MALRD1: variants seen among roughly 807,000 people sequenced by gnomAD.
MALRD1 encodes MAM and LDL-receptor class A domain-containing protein 1.
Under a neutral mutation model 242.1 loss-of-function variants are expected in MALRD1, and 247 were observed. The ratio of observed to expected loss-of-function variants is 1.02; its 90% CI spans 0.92 to 1.13. The LOEUF (loss-of-function observed/expected upper bound fraction) is 1.13. Ranked by LOEUF, MALRD1 falls within the 50% of genes most tolerant of loss-of-function variation. The pLI is 0.00. For missense variants in MALRD1, 2,989 were observed against 2,533.1 expected, an observed-to-expected ratio of 1.18 and a Z score of -3.86; for synonymous variants, 995 against 866.6, an observed-to-expected ratio of 1.15 and a Z score of -2.60.
intron 33 of MALRD1, among the ~76,000 whole-genome samples, chr10:19,592,741 A>G (rs2131551036): frequency 8.7e-6 from 1 of 114,860 alleles, no homozygotes; most frequent in East Asian, 2.4e-4. Flanking sequence ...ACACACACAC[A>G]CACACACACA....
chr10:19,189,938 C>T (rs1835900876), intron 14 of MALRD1, among the ~76,000 whole-genome samples: 1 of 151,994 alleles, frequency 6.6e-6, no homozygotes, highest in East Asian at 1.9e-4. Flanking sequence ...ATGTTTGCCA[C>T]TTCTATTCGT....
At chr10:19,113,186 T>G (rs903554624) in intron 5 of MALRD1, among the ~76,000 whole-genome samples, 7 of 152,098 alleles carry the variant, frequency 4.6e-5, no homozygotes, top group African/African-American at 1.4e-4. Flanking sequence ...TGGCCAGGTC[T>G]CCACTTCTCA....
At chr10:19,534,936 A>G (rs1374268169) in intron 32 of MALRD1, among the ~76,000 whole-genome samples, 1 of 151,850 alleles carries the variant, frequency 6.6e-6, no homozygotes, top group Admixed American at 6.6e-5. Flanking sequence ...GCCAGACTGG[A>G]GTGCAGTGGC....
At chr10:19,472,183 G>A (rs1836529618) in intron 29 of MALRD1, among the ~76,000 whole-genome samples, 1 of 151,936 alleles carries the variant, frequency 6.6e-6, no homozygotes, top group Non-Finnish European at 1.5e-5. Context: ...TCCTTCATCA[G>A]TTAATGTGGT....
At position 19,227,016 on chromosome 10, in the gene MALRD1, G is replaced by A. The variant is rs545529132; in HGVS notation, c.2991+17336G>A. Among the ~76,000 whole-genome samples the A allele has an allele frequency of 5.9e-5, 9 of 152,108 alleles. No homozygotes were observed. The East Asian group carries it at 1.2e-3, about 20-fold the overall frequency. ...ACTAATACGAGAAATTGAATAGGTA[G>A]AAATATGTATGAAGTTCATTGGTAA... On this transcript the variant is annotated intron_variant, in intron 18 of 39. Transcript: ENST00000454679.
At chr10:19,672,668 T>C (rs1196110990) in intron 36 of MALRD1, among the ~76,000 whole-genome samples, 13 of 152,000 alleles carry the variant, frequency 8.6e-5, no homozygotes, top group Non-Finnish European at 1.5e-5. Context: ...AGGTGATCTG[T>C]CTGCCTCGGC....
At chr10:19,384,910 T>C (rs1235152378) in intron 26 of MALRD1, among the ~76,000 whole-genome samples, 1 of 151,420 alleles carries the variant, frequency 6.6e-6, no homozygotes, top group Non-Finnish European at 1.5e-5. Context: ...GCTTTTTATA[T>C]ATGACCTTTA....
chr10:19,538,324 T>A (rs539457598), intron 32 of MALRD1, among the ~76,000 whole-genome samples: 12 of 152,186 alleles, frequency 7.9e-5, no homozygotes, highest in Non-Finnish European at 1.5e-4. Flanking sequence ...ATCCTTCAAT[T>A]AAAGGCTGAA....
chr10:19,150,560 C>A (rs1833910904), intron 11 of MALRD1, among the ~76,000 whole-genome samples: 1 of 152,160 alleles, frequency 6.6e-6, no homozygotes, highest in Non-Finnish European at 1.5e-5. Flanking sequence ...TGTGTTTCCC[C>A]TCTGCACAGG....
intron 33 of MALRD1, among the ~76,000 whole-genome samples, chr10:19,585,363 C>G (rs1837336281): frequency 6.6e-6 from 1 of 151,844 alleles, no homozygotes; most frequent in Non-Finnish European, 1.5e-5. Context: ...GTGGCTGGTA[C>G]CGGTTGTTCC....
chr10:19,341,686 G>A (rs78315341), intron 24 of MALRD1, among the ~76,000 whole-genome samples: 14,376 of 151,504 alleles, frequency 0.095, 800 homozygotes, highest in East Asian at 0.16. Flanking sequence ...TTTAAATAGG[G>A]TAGTCATAGA....
chr10:19,201,161 A>G (rs1055456343), intron 14 of MALRD1, among the ~76,000 whole-genome samples: 1 of 152,178 alleles, frequency 6.6e-6, no homozygotes, highest in Non-Finnish European at 1.5e-5. Context: ...ATATATGTAT[A>G]CATGTGTGTT....
chr10:19,521,106 G>A (rs1159923580), intron 31 of MALRD1, among the ~76,000 whole-genome samples: 1 of 152,070 alleles, frequency 6.6e-6, no homozygotes, highest in East Asian at 1.9e-4. Flanking sequence ...TTGGAATCTT[G>A]GAGGGCATGA....
At chr10:19,368,190 G>A (rs1845188017) in intron 26 of MALRD1, among the ~76,000 whole-genome samples, 1 of 151,846 alleles carries the variant, frequency 6.6e-6, no homozygotes, top group Non-Finnish European at 1.5e-5. Flanking sequence ...CTCATGAATT[G>A]AGTTCCCAGC....
At chr10:19,232,569 C>T (rs1838130057) in intron 18 of MALRD1, among the ~76,000 whole-genome samples, 1 of 152,044 alleles carries the variant, frequency 6.6e-6, no homozygotes, top group Non-Finnish European at 1.5e-5. Flanking sequence ...GATCATGTGC[C>T]TGTTTTGTGC....
chr10:19,410,108 C>T (rs1029798890), intron 28 of MALRD1, among the ~76,000 whole-genome samples: 18 of 152,122 alleles, frequency 1.2e-4, no homozygotes, highest in African/African-American at 3.9e-4. Context: ...AGCCATGTCA[C>T]GTAATTACTA....
At chr10:19,209,229 C>T in intron 17 of MALRD1, 39 bp from the exon 18 acceptor site, 1 of 1,452,594 alleles carries the variant, frequency 6.9e-7, no homozygotes, top group Non-Finnish European at 9.1e-7. Flanking sequence ...GTATTTTTGT[C>T]CCTAATTATC....
At chr10:19,595,529 G>A (rs1476072965) in intron 34 of MALRD1, 72 bp downstream of exon 34, 26 of 1,454,274 alleles carry the variant, frequency 1.8e-5, no homozygotes, top group African/African-American at 9.9e-5. Flanking sequence ...AAGCTCGACA[G>A]ATAAAATGAA....
chr10:19,300,389 AAG>A (rs1219130937), intron 21 of MALRD1, among the ~76,000 whole-genome samples: 1 of 152,058 alleles, frequency 6.6e-6, no homozygotes, highest in Non-Finnish European at 1.5e-5. Context: ...GCAATCAAAA[AAG>A]AGCCTGAATA....
Sources: allele counts gnomAD v4.1 joint callset (sites outside exome capture counted in the v4.1 genomes callset), GRCh38; gene constraint gnomAD v4.1.1; transcripts MANE v1.5; gene names NCBI Gene and HGNC (gene_info 2026-07-23, HGNC 2026-07-21).